The following GRIP1 variants were observed in gnomAD, a reference collection of about 807,000 sequenced individuals.
GRIP1 encodes glutamate receptor-interacting protein 1.
A neutral mutation model predicts 129.9 loss-of-function variants in GRIP1; 45 were observed. The observed-to-expected ratio is 0.35, with a 90% confidence interval of 0.27 to 0.44. GRIP1 has a LOEUF of 0.44. GRIP1 is among the 20% of genes least tolerant of loss of function. The pLI is 1.00. For synonymous variants in GRIP1, 530 were observed against 520.8 expected (o/e 1.02, Z -0.24); for missense variants, 1,196 against 1,396.8 (o/e 0.86, Z 2.29).
intron 2 of GRIP1, among the ~76,000 whole-genome samples, chr12:66,577,456 G>A (rs951368294): frequency 1.3e-5 from 2 of 152,118 alleles, no homozygotes; most frequent in African/African-American, 4.8e-5. Flanking sequence ...ATTTTTTTAG[G>A]TGTTTATTAG....
intron 1 of GRIP1, among the ~76,000 whole-genome samples, chr12:66,841,439 T>C (rs2039714263): frequency 1.3e-5 from 2 of 152,188 alleles, no homozygotes; most frequent in South Asian, 4.1e-4. Flanking sequence ...TTAAGTATAA[T>C]TAAACATATA....
intron 5 of GRIP1, among the ~76,000 whole-genome samples, chr12:66,525,607 C>T (rs202115988): frequency 0.47 from 69,726 of 148,658 alleles, 16,726 homozygotes; most frequent in African/African-American, 0.55. Flanking sequence ...AGCATTCCCT[C>T]TGAAAACTGG....
At chr12:66,960,916 C>T (rs1199963594) in intron 1 of GRIP1, among the ~76,000 whole-genome samples, 1 of 152,094 alleles carries the variant, frequency 6.6e-6, no homozygotes, top group African/African-American at 2.4e-5. Flanking sequence ...GCTACTCTGA[C>T]TCCCTCTTAA....
chr12:66,415,219 T>G (rs1222902519), intron 15 of GRIP1, among the ~76,000 whole-genome samples: 1 of 151,978 alleles, frequency 6.6e-6, no homozygotes, highest in Non-Finnish European at 1.5e-5. Context: ...GGCAGGAAAT[T>G]TTCACAATCT....
At chr12:66,389,306 G>A (rs1340870848) in intron 19 of GRIP1, among the ~76,000 whole-genome samples, 2 of 152,166 alleles carry the variant, frequency 1.3e-5, no homozygotes, top group East Asian at 3.9e-4. Context: ...TTGGCTCACT[G>A]CAATCTCCGC....
intron 23 of GRIP1, among the ~76,000 whole-genome samples, chr12:66,371,403 CCCGCCTCGGCCT>C (rs1314508658): frequency 1.3e-5 from 2 of 152,208 alleles, no homozygotes; most frequent in Non-Finnish European, 2.9e-5. Flanking sequence ...AAGTGATCCA[CCCGCCTCGGCCT>C]CCCAAAGTGC....
intron 1 of GRIP1, among the ~76,000 whole-genome samples, chr12:66,966,150 G>T (rs1001231003): frequency 6.6e-6 from 1 of 152,120 alleles, no homozygotes; most frequent in Non-Finnish European, 1.5e-5. Context: ...AGAAATCAAA[G>T]AATTGCTGTA....
rs2061789328 is a variant in GRIP1, at chr12:66,541,803, A to G, written c.272+12T>C. ...GTGTTCCTTTCAGTAGATTTCCCCA[A>G]GAGGCAGTTACCTAGCAGCAATTCC... On this transcript the variant is annotated intron_variant, in intron 3 of 24. Transcript: ENST00000359742. 6.2e-7 allele frequency: 1 copy of G among 1,613,668 alleles called. No homozygotes were observed. The highest frequency in any genetic ancestry group is 1.1e-5 in the South Asian group (1 of 91,078).
intron 11 of GRIP1, among the ~76,000 whole-genome samples, chr12:66,449,549 C>T (rs1380629316): frequency 7.2e-5 from 11 of 152,180 alleles, no homozygotes; most frequent in African/African-American, 1.4e-4. Context: ...TCCAACCCTA[C>T]GCTTCTTACA....
At chr12:66,976,928 GT>G (rs1209188242) in intron 1 of GRIP1, among the ~76,000 whole-genome samples, 1 of 152,060 alleles carries the variant, frequency 6.6e-6, no homozygotes, top group Non-Finnish European at 1.5e-5. Flanking sequence ...ACACATCCAA[GT>G]TTATAAACTG....
intron 1 of GRIP1, among the ~76,000 whole-genome samples, chr12:67,057,235 T>A (rs980706915): frequency 3.3e-5 from 5 of 151,958 alleles, no homozygotes; most frequent in Non-Finnish European, 7.4e-5. Flanking sequence ...GTCATAAGGG[T>A]GTGCCCTGAT....
At chr12:66,896,203 G>A (rs1048144809) in intron 1 of GRIP1, among the ~76,000 whole-genome samples, 2 of 152,244 alleles carry the variant, frequency 1.3e-5, no homozygotes, top group East Asian at 3.9e-4. Context: ...ATGACTGGAG[G>A]ACATTTAGAA....
chr12:66,765,600 C>T lies in GRIP1; in HGVS notation c.-420+38453G>A, dbSNP rs957989067. 9.7e-4 allele frequency among the ~76,000 whole-genome samples: 148 copies of T among 152,236 alleles called. 1 individual carries two copies. Among genetic ancestry groups the T allele is most frequent in the African/African-American group, 3.4e-3 (142 of 41,552 alleles). On this transcript the variant is annotated intron_variant, in intron 1 of 4. Transcript: ENST00000538373. ...TCTAATCCTCATTCCTAGTGGTCAC[C>T]CTCTCCTTGCTTCACACTCCATGGT...
intron 14 of GRIP1, among the ~76,000 whole-genome samples, chr12:66,431,997 T>C (rs1004163246): frequency 4.6e-5 from 7 of 152,300 alleles, no homozygotes; most frequent in African/African-American, 1.2e-4. Flanking sequence ...AAAAGGATTA[T>C]AGATGCTTAG....
At chr12:67,010,344 C>T (rs2042687108) in intron 1 of GRIP1, among the ~76,000 whole-genome samples, 2 of 152,136 alleles carry the variant, frequency 1.3e-5, no homozygotes, top group South Asian at 2.1e-4. Context: ...AGGTGTTTTA[C>T]TTGCCTTCAC....
intron 13 of GRIP1, among the ~76,000 whole-genome samples, chr12:66,444,282 C>G (rs1437210624): frequency 6.6e-6 from 1 of 151,286 alleles, no homozygotes; most frequent in African/African-American, 2.4e-5. Flanking sequence ...GTCAGGAGAT[C>G]GAGACCATCC....
At chr12:67,059,330 T>C (rs1202309957) in intron 1 of GRIP1, among the ~76,000 whole-genome samples, 1 of 152,186 alleles carries the variant, frequency 6.6e-6, no homozygotes, top group African/African-American at 2.4e-5. Flanking sequence ...GAAGTCCAAA[T>C]GAGCTGCCAA....
At position 66,449,036 on chromosome 12, in the gene GRIP1, G is replaced by A. The variant is rs146867131; in HGVS notation, c.1355-3528C>T. On this transcript the variant is annotated intron_variant, in intron 11 of 24. Transcript: ENST00000359742. ...ACTTTTGTGTCTTCATATATACTGT[G>A]CCCTCTGCCACTCAGCTCTTGCTCT... Among the ~76,000 whole-genome samples the A allele has an allele frequency of 7.9e-5, 12 of 152,196 alleles. No individual in the cohort carries two copies. The East Asian group carries it at 1.4e-3, about 17-fold the overall frequency.
intron 1 of GRIP1, among the ~76,000 whole-genome samples, chr12:66,901,893 G>T (rs567033381): frequency 6.6e-6 from 1 of 152,126 alleles, no homozygotes; most frequent in East Asian, 1.9e-4. Context: ...GGGAAGCAAC[G>T]GCATACATAA....
Sources: gnomAD v4.1 joint callset for allele counts (sites outside exome capture counted in the v4.1 genomes callset) on GRCh38, gnomAD v4.1.1 for gene constraint, MANE v1.5 for transcripts, NCBI Gene and HGNC (gene_info 2026-07-23, HGNC 2026-07-21) for gene names.